Variants in SLC44A5 observed in about 807,000 individuals in gnomAD.
SLC44A5 encodes choline transporter-like protein 5.
SLC44A5 carries 57 observed loss-of-function variants against 101.8 expected under a neutral mutation model. That is an observed-to-expected ratio of 0.56 (90% CI 0.45 to 0.70). SLC44A5 has a LOEUF of 0.70. Ranked by LOEUF, SLC44A5 falls within the 30% of genes least tolerant of loss-of-function variation. The pLI, the probability that SLC44A5 is intolerant of heterozygous loss-of-function variation, is 0.00. For missense variants in SLC44A5, 737 were observed against 853.1 expected (o/e 0.86, Z 1.70); for synonymous variants, 281 against 290.9 (o/e 0.97, Z 0.35).
At chr1:75,395,400 T>G (rs987916896) in intron 3 of SLC44A5, among the ~76,000 whole-genome samples, 1 of 152,140 alleles carries the variant, frequency 6.6e-6, no homozygotes, top group Non-Finnish European at 1.5e-5. Context: ...ACCCCTGAGA[T>G]TAAAAAATTA....
At chr1:75,423,349 G>A (rs200780396) in intron 2 of SLC44A5, among the ~76,000 whole-genome samples, 10 of 152,102 alleles carry the variant, frequency 6.6e-5, no homozygotes, top group East Asian at 1.9e-4. Context: ...TTGTCTGCTC[G>A]TTATATGAAT....
chr1:75,203,879 A>C, intron 23 of SLC44A5, 46 bp from the exon 24 acceptor site: 1 of 1,501,228 alleles, frequency 6.7e-7, no homozygotes, highest in African/African-American at 1.4e-5. Context: ...CAGAACTGTA[A>C]GAGAAGTAAC....
At chr1:75,517,183 T>C (rs889281618) in intron 2 of SLC44A5, among the ~76,000 whole-genome samples, 1 of 152,176 alleles carries the variant, frequency 6.6e-6, no homozygotes, top group African/African-American at 2.4e-5. Flanking sequence ...TCAGTCTCAA[T>C]CCTTTTCTTT....
intron 1 of SLC44A5, among the ~76,000 whole-genome samples, chr1:75,580,931 A>G (rs1399954084): frequency 6.6e-6 from 1 of 152,150 alleles, no homozygotes; most frequent in East Asian, 1.9e-4. Flanking sequence ...TTTTTAAAAA[A>G]TCAAAACCTA....
intron 2 of SLC44A5, among the ~76,000 whole-genome samples, chr1:75,462,059 T>A (rs981990567): frequency 6.6e-6 from 1 of 151,910 alleles, no homozygotes; most frequent in African/African-American, 2.4e-5. Flanking sequence ...AGCCAGGGAG[T>A]AGTTAAGCAG....
intron 9 of SLC44A5, among the ~76,000 whole-genome samples, chr1:75,239,162 GC>G (rs1241718447): frequency 6.6e-6 from 1 of 152,014 alleles, no homozygotes; most frequent in Non-Finnish European, 1.5e-5. Flanking sequence ...TTGTCTCCCA[GC>G]TTTTTCATTT....
chr1:75,447,956 C>T (rs1005429590), intron 2 of SLC44A5, among the ~76,000 whole-genome samples: 1 of 151,834 alleles, frequency 6.6e-6, no homozygotes, highest in African/African-American at 2.4e-5. Flanking sequence ...TGTGACAACC[C>T]AAGGAATGAA....
At chr1:75,376,148 C>A (rs1011001950) in intron 3 of SLC44A5, among the ~76,000 whole-genome samples, 1 of 152,142 alleles carries the variant, frequency 6.6e-6, no homozygotes, top group South Asian at 2.1e-4. Context: ...AAACGGCGCA[C>A]GACGAGATTA....
At chr1:75,313,770 A>T (rs1328523176) in intron 4 of SLC44A5, among the ~76,000 whole-genome samples, 1 of 152,222 alleles carries the variant, frequency 6.6e-6, no homozygotes, top group African/African-American at 2.4e-5. Context: ...AGAAAATGAG[A>T]GGAAGCAGTA....
At chr1:75,537,023 A>AG (rs1557885138) in intron 2 of SLC44A5, among the ~76,000 whole-genome samples, 7 of 34,958 alleles carry the variant, frequency 2.0e-4, no homozygotes, top group Admixed American at 1.5e-3. Context: ...AAAAAAAAAA[A>AG]AAAAAAAAAA....
the SLC44A5 span, among the ~76,000 whole-genome samples, chr1:75,673,011 G>A: frequency 6.6e-6 from 1 of 152,158 alleles, no homozygotes; most frequent in Non-Finnish European, 1.5e-5. Context: ...CTTCAGGTAT[G>A]ACTCAGCACA....
At chr1:75,543,598 T>A (rs769772573) in intron 1 of SLC44A5, among the ~76,000 whole-genome samples, 2 of 102,314 alleles carry the variant, frequency 2.0e-5, no homozygotes, top group African/African-American at 3.4e-5. Flanking sequence ...TAAATAAATA[T>A]ATATATATAT....
At chr1:75,250,951 T>C (rs1649519000) in intron 7 of SLC44A5, among the ~76,000 whole-genome samples, 1 of 152,212 alleles carries the variant, frequency 6.6e-6, no homozygotes, top group South Asian at 2.1e-4. Flanking sequence ...GGGCTGCACA[T>C]ATTTATTTAT....
chr1:75,350,237 T>TAAGAA (rs1417538072), intron 3 of SLC44A5, among the ~76,000 whole-genome samples: 2 of 151,618 alleles, frequency 1.3e-5, no homozygotes, highest in African/African-American at 4.9e-5. Context: ...CTTTGCCGTG[T>TAAGAA]GAGGACACAG....
the SLC44A5 span, among the ~76,000 whole-genome samples, chr1:75,707,558 C>T: frequency 2.0e-5 from 3 of 152,294 alleles, no homozygotes; most frequent in Admixed American, 2.0e-4. Context: ...CTCTGCAGAA[C>T]CTTCTGACCT....
intron 2 of SLC44A5, among the ~76,000 whole-genome samples, chr1:75,441,206 T>C (rs1314694287): frequency 6.6e-6 from 1 of 152,126 alleles, no homozygotes; most frequent in African/African-American, 2.4e-5. Context: ...AGAGCAATGT[T>C]TCTCAAGGGA....
At chr1:75,243,688 A>G (rs1189500796) in intron 7 of SLC44A5, among the ~76,000 whole-genome samples, 1 of 152,110 alleles carries the variant, frequency 6.6e-6, no homozygotes, top group Non-Finnish European at 1.5e-5. Context: ...CAATATCATA[A>G]GCAGGAAATT....
intron 2 of SLC44A5, among the ~76,000 whole-genome samples, chr1:75,447,488 TATC>T (rs1665655459): frequency 6.6e-6 from 1 of 152,198 alleles, no homozygotes; most frequent in East Asian, 1.9e-4. Flanking sequence ...ATCTTTGAGA[TATC>T]ATGGAAAACA....
At chr1:75,228,266 A>G (rs1012533939) in intron 12 of SLC44A5, among the ~76,000 whole-genome samples, 2 of 152,148 alleles carry the variant, frequency 1.3e-5, no homozygotes, top group Non-Finnish European at 2.9e-5. Flanking sequence ...GGTTATTTTA[A>G]TAGATGTAAC....
Sources: gnomAD v4.1 joint callset for allele counts (sites outside exome capture counted in the v4.1 genomes callset) on GRCh38, gnomAD v4.1.1 for gene constraint, MANE v1.5 for transcripts, NCBI Gene and HGNC (gene_info 2026-07-23, HGNC 2026-07-21) for gene names.